The following FBXW8 variants were observed in gnomAD, a reference collection of about 807,000 sequenced individuals.
FBXW8 encodes the protein F-box and WD repeat domain containing 8, also known as F-box/WD repeat-containing protein 8.
Under a neutral mutation model 65.3 loss-of-function variants are expected in FBXW8, and 57 were observed. The observed-to-expected ratio is 0.87, with a 90% confidence interval of 0.71 to 1.09. The LOEUF (loss-of-function observed/expected upper bound fraction) is 1.09. FBXW8 is among the 50% of genes least tolerant of loss of function. FBXW8 has a pLI of 0.00. For synonymous variants in FBXW8, 308 were observed against 330.2 expected (o/e 0.93, Z 0.73); for missense variants, 777 against 814.8 (o/e 0.95, Z 0.57).
intron 1 of FBXW8, among the ~76,000 whole-genome samples, chr12:116,926,095 C>CT (rs1881307100): frequency 6.6e-6 from 1 of 152,204 alleles, no homozygotes; most frequent in South Asian, 2.1e-4. Flanking sequence ...AGAGGTAAGA[C>CT]TTTTCTGCAC....
In FBXW8 at chr12:117,029,614, G is replaced by GC. The variant is rs1565951169; in HGVS notation, c.*1442_*1443insC. On this transcript the variant is annotated 3_prime_UTR_variant, in exon 11 of 11. Transcript: ENST00000652555. ...AGTTAATATAAAGCCAGAAGGTTTT[G>GC]TTTTTTTTCAGGTGGGGTCTCGCTC... The GC allele has an allele frequency of 6.6e-6, 1 of 151,664 alleles. No homozygotes were observed. Among genetic ancestry groups the GC allele is most frequent in the Admixed American group, 6.6e-5 (1 of 15,206 alleles). The allele number at this position is 151,664 out of a possible 1,614,324, so 9.4% of individuals were successfully genotyped here.
intron 4 of FBXW8, among the ~76,000 whole-genome samples, chr12:116,953,773 A>G (rs1308714123): frequency 6.8e-6 from 1 of 146,586 alleles, no homozygotes; most frequent in East Asian, 2.0e-4. Flanking sequence ...ACTCCATCTC[A>G]AAAAAAAAAG....
chr12:116,951,382 T>A (rs1465284999), intron 4 of FBXW8: 1 of 152,194 alleles, frequency 6.6e-6, no homozygotes. Context: ...GAGACAGCGG[T>A]GTTTGTGGTT....
intron 9 of FBXW8, among the ~76,000 whole-genome samples, chr12:117,026,814 G>A (rs573349522): frequency 1.3e-5 from 2 of 152,320 alleles, no homozygotes; most frequent in East Asian, 1.9e-4. Context: ...GCTCAGTGCC[G>A]TGACCACAGC....
chr12:116,949,972 G>A, intron 4 of FBXW8: 1 of 398,450 alleles, frequency 2.5e-6, no homozygotes, highest in Non-Finnish European at 4.6e-6. Flanking sequence ...CACTCTTGTG[G>A]CATGTTATGT....
At chr12:116,969,315 A>G (rs550095724) in intron 5 of FBXW8, among the ~76,000 whole-genome samples, 1 of 151,988 alleles carries the variant, frequency 6.6e-6, no homozygotes, top group Non-Finnish European at 1.5e-5. Context: ...AGCTTGTTTC[A>G]TTGGTCTGAT....
intron 4 of FBXW8, among the ~76,000 whole-genome samples, chr12:116,951,765 T>C (rs1406510409): frequency 1.3e-5 from 2 of 152,194 alleles, no homozygotes; most frequent in East Asian, 3.9e-4. Context: ...AACCTCATGA[T>C]GGACCCAGTC....
intron 1 of FBXW8, among the ~76,000 whole-genome samples, chr12:116,921,720 G>A (rs546485332): frequency 1.3e-5 from 2 of 151,384 alleles, no homozygotes; most frequent in African/African-American, 2.4e-5. Flanking sequence ...TGTGCTCACT[G>A]TAGAAATATT....
chr12:116,913,114 T>A (rs1880125964), intron 1 of FBXW8, among the ~76,000 whole-genome samples: 1 of 152,132 alleles, frequency 6.6e-6, no homozygotes, highest in Non-Finnish European at 1.5e-5. Flanking sequence ...TTCTGGGCCC[T>A]CCCCAGACCT....
intron 7 of FBXW8, 22 bp from the exon 8 acceptor site, chr12:117,010,301 C>T (rs1020849970): frequency 6.2e-7 from 1 of 1,614,036 alleles, no homozygotes; most frequent in African/African-American, 1.3e-5. Flanking sequence ...TGTGGGCCCA[C>T]ACATTTCTCT....
rs1352165935 is a variant in FBXW8 at position 117,031,131 on chromosome 12, T to C, written c.*2959T>C. On this transcript the variant is annotated 3_prime_UTR_variant, in exon 11 of 11. Coordinates refer to ENST00000652555, the MANE Select transcript of FBXW8 (RefSeq NM_153348.3). ...TATGATGTCCGTAGTTGTTCTAATA[T>C]TAAATGCTTTGAATTTCTTTATTGG... The C allele has an allele frequency of 6.6e-6, 1 of 152,214 alleles. No homozygotes were observed. Among genetic ancestry groups the C allele is most frequent in the East Asian group, 1.9e-4 (1 of 5,188 alleles). The allele number at this position is 152,214 out of a possible 1,614,324, so 9.4% of individuals were successfully genotyped here.
intron 7 of FBXW8, 43 bp from the exon 8 acceptor site, chr12:117,010,280 G>T (rs1368418158): frequency 6.2e-6 from 10 of 1,613,622 alleles, no homozygotes; most frequent in Non-Finnish European, 8.5e-6. Flanking sequence ...TGTCGGCCTG[G>T]TGTGTGGAAT....
intron 7 of FBXW8, among the ~76,000 whole-genome samples, chr12:116,997,103 T>TAATAATA: frequency 6.6e-6 from 1 of 152,316 alleles, no homozygotes; most frequent in Middle Eastern, 3.4e-3. Context: ...AGTATATGGT[T>TAATAATA]AATAATAAAT....
chr12:116,957,001 A>G (rs1883687788), intron 4 of FBXW8, among the ~76,000 whole-genome samples: 1 of 151,994 alleles, frequency 6.6e-6, no homozygotes, highest in Admixed American at 6.6e-5. Context: ...AGGTAACTTG[A>G]AATACCTTGC....
rs397946872 is a variant in FBXW8 at position 117,011,127 on chromosome 12, C to CT, written c.1367+692dup. ...CTTCTTTCCTTGTTTTTTTCTTTTC[C>CT]TTTTTTTTTTTTTTTGGCCAGTTAT... On this transcript the variant is annotated intron_variant, in intron 8 of 10. Transcript: ENST00000652555. 5.2e-3 allele frequency among the ~76,000 whole-genome samples: 634 copies of CT among 122,080 alleles called. 12 individuals carry two copies. Among genetic ancestry groups the CT allele is most frequent in the South Asian group, 0.04 (148 of 3,716 alleles). 80.1% of individuals were successfully genotyped at this position (122,080 alleles called of 152,430 possible).
chr12:116,982,443 A>T (rs1345536170), intron 5 of FBXW8, among the ~76,000 whole-genome samples: 3 of 152,212 alleles, frequency 2.0e-5, no homozygotes, highest in Non-Finnish European at 2.9e-5. Context: ...ATACAATCCT[A>T]AATGATTTTG....
intron 8 of FBXW8, among the ~76,000 whole-genome samples, chr12:117,020,027 C>T (rs1395443250): frequency 2.0e-5 from 3 of 152,188 alleles, no homozygotes; most frequent in Non-Finnish European, 4.4e-5. Flanking sequence ...AAATGCTGAG[C>T]GTTCTCTGGG....
At chr12:116,994,609 C>A (rs1953333840) in intron 7 of FBXW8, among the ~76,000 whole-genome samples, 1 of 152,212 alleles carries the variant, frequency 6.6e-6, no homozygotes, top group African/African-American at 2.4e-5. Context: ...CCACTTTAAA[C>A]AATGAGAATA....
chr12:116,936,234 C>T lies in FBXW8; in HGVS notation c.423+8107C>T, dbSNP rs542744139. Reference sequence around the variant, plus strand: ...CTCTGGCAGAGTGGAATAGCAAGGACGAAGGACTTGAGGCAGACACAGCTG... The same window carrying T: ...CTCTGGCAGAGTGGAATAGCAAGGATGAAGGACTTGAGGCAGACACAGCTG... On this transcript the variant is annotated intron_variant, in intron 2 of 10. Coordinates refer to ENST00000652555, the MANE Select transcript of FBXW8 (RefSeq NM_153348.3). The surrounding 1 kb of genome is among the most constrained non-coding windows in gnomAD (Gnocchi z 4.6). Among the ~76,000 whole-genome samples the T allele has an allele frequency of 1.3e-5, 2 of 151,684 alleles. No homozygotes were observed. Among genetic ancestry groups the T allele is most frequent in the African/African-American group, 2.4e-5 (1 of 41,336 alleles).
Sources: allele counts gnomAD v4.1 joint callset (sites outside exome capture counted in the v4.1 genomes callset), GRCh38; gene constraint gnomAD v4.1.1; non-coding constraint Gnocchi (gnomAD v3.1); transcripts MANE v1.5; gene names NCBI Gene and HGNC (gene_info 2026-07-23, HGNC 2026-07-21).